The following MCFD2 variants were observed in gnomAD, a reference collection of about 807,000 sequenced individuals.
MCFD2 encodes multiple coagulation factor deficiency protein 2.
A neutral mutation model predicts 12.8 loss-of-function variants in MCFD2; 11 were observed. The ratio of observed to expected loss-of-function variants is 0.86; its 90% CI spans 0.54 to 1.42. The LOEUF is 1.42. Ranked by LOEUF, MCFD2 falls within the 40% of genes most tolerant of loss-of-function variation. MCFD2 has a pLI of 0.00. For synonymous variants in MCFD2, 70 were observed against 68.1 expected (o/e 1.03, Z -0.14); for missense variants, 191 against 178.6 (o/e 1.07, Z -0.40).
rs1668046981 is a variant in MCFD2 at position 46,902,321 on chromosome 2, T to G, written c.*3142A>C. 6.5e-6 allele frequency: 1 copy of G among 152,674 alleles called. No individual in the cohort carries two copies. 9.5% of individuals were successfully genotyped at this position (152,674 alleles called of 1,614,324 possible). On this transcript the variant is annotated 3_prime_UTR_variant, in exon 4 of 4. Transcript: ENST00000319466. ...CCTCTTGACTAGAACTTCTATCTGA[T>G]TAATCATTGTTTGGTGAATTATCTT...
chr2:46,920,092 CCT>C (rs1162535681), upstream of MCFD2, among the ~76,000 whole-genome samples: 2 of 152,066 alleles, frequency 1.3e-5, no homozygotes, highest in Non-Finnish European at 2.9e-5. Context: ...TTCTTCCGTC[CCT>C]GACTTTATCA....
chr2:46,930,747 G>T lies in MCFD2; in HGVS notation c.-8+10825C>A, dbSNP rs140813354. Among the ~76,000 whole-genome samples, 698 of 152,152 alleles carry T rather than the reference G, an allele frequency of 4.6e-3. 5 individuals are homozygous for T. Among genetic ancestry groups the T allele is most frequent in the African/African-American group, 0.016 (670 of 41,518 alleles). On this transcript the variant is annotated intron_variant, in intron 1 of 2. Transcript: ENST00000409147. The stretch of plus-strand genomic sequence containing the variant: ...ACTCCTGACCTCAGGTGATCCACCC[G>T]CCTCAGCCTCCCAAAGTGCAGGGAT...
chr2:46,938,193 ATCAAG>A (rs1670073799), intron 1 of MCFD2, among the ~76,000 whole-genome samples: 1 of 152,166 alleles, frequency 6.6e-6, no homozygotes, highest in Admixed American at 6.5e-5. Flanking sequence ...AAAAGCAAAA[ATCAAG>A]TCACCAATGA....
chr2:46,931,280 C>T (rs1251506255), intron 1 of MCFD2, among the ~76,000 whole-genome samples: 3 of 152,232 alleles, frequency 2.0e-5, no homozygotes, highest in Non-Finnish European at 4.4e-5. Flanking sequence ...TAGACAGGGT[C>T]TGGCTCTATT....
upstream of MCFD2, among the ~76,000 whole-genome samples, chr2:46,918,424 C>T (rs755501623): frequency 2.1e-4 from 32 of 152,210 alleles, no homozygotes; most frequent in Non-Finnish European, 4.0e-4. Context: ...AGCTTCCTAA[C>T]TGACCGTCCT....
At chr2:46,924,590 A>C (rs1669285872) in intron 1 of MCFD2, among the ~76,000 whole-genome samples, 1 of 152,174 alleles carries the variant, frequency 6.6e-6, no homozygotes, top group Non-Finnish European at 1.5e-5. Flanking sequence ...ACCATGTGAT[A>C]TTCATAAGAG....
intron 1 of MCFD2, among the ~76,000 whole-genome samples, chr2:46,933,472 A>T (rs1340653602): frequency 1.3e-5 from 2 of 152,232 alleles, no homozygotes; most frequent in Non-Finnish European, 2.9e-5. Context: ...CTCTTAGCGT[A>T]ATGATTACAT....
intron 1 of MCFD2, among the ~76,000 whole-genome samples, chr2:46,914,380 A>G (rs1382406744): frequency 2.0e-5 from 3 of 152,192 alleles, no homozygotes; most frequent in South Asian, 2.1e-4. Flanking sequence ...CCCACAGCCA[A>G]TGCCAAAGAA....
intron 1 of MCFD2, among the ~76,000 whole-genome samples, chr2:46,932,116 A>G (rs529875270): frequency 6.6e-6 from 1 of 152,262 alleles, no homozygotes; most frequent in Admixed American, 6.5e-5. Context: ...TAAATCTGAG[A>G]AAAGATATCA....
rs535201945 is a variant in MCFD2, at chr2:46,904,232, G to A, written c.*1231C>T. 9.3e-5 allele frequency: 14 copies of A among 149,752 alleles called. No homozygotes were observed. The highest frequency in any genetic ancestry group is 2.5e-4 in the African/African-American group (10 of 39,836). The allele number at this position is 149,752 out of a possible 1,614,324, so 9.3% of individuals were successfully genotyped here. ...GGGGAGAGGCCCTCTCAGCGGCAGG[G>A]GAGAGAACCTCTGCTAGGGCAGTGC... is the stretch of plus-strand genomic sequence containing the variant. On this transcript the variant is annotated 3_prime_UTR_variant, in exon 4 of 4. Coordinates refer to ENST00000319466, the MANE Select transcript of MCFD2 (RefSeq NM_139279.6).
intron 1 of MCFD2, among the ~76,000 whole-genome samples, chr2:46,932,848 C>T (rs988235651): frequency 1.4e-5 from 2 of 148,038 alleles, no homozygotes; most frequent in Non-Finnish European, 3.0e-5. Flanking sequence ...TTGCAGCAAG[C>T]GCAGATCGCA....
At chr2:46,924,535 T>C (rs768403011) in intron 1 of MCFD2, among the ~76,000 whole-genome samples, 1 of 152,056 alleles carries the variant, frequency 6.6e-6, no homozygotes, top group East Asian at 1.9e-4. Flanking sequence ...GTGTTTTGAA[T>C]AGAATATGAG....
chr2:46,921,864 G>A (rs545498156), intron 1 of MCFD2, among the ~76,000 whole-genome samples: 179 of 151,802 alleles, frequency 1.2e-3, no homozygotes, highest in African/African-American at 4.2e-3. Context: ...TGCCGCCACC[G>A]CTGATCTGAC....
chr2:46,921,377 G>A (rs1669094079), intron 1 of MCFD2, among the ~76,000 whole-genome samples: 1 of 152,136 alleles, frequency 6.6e-6, no homozygotes, highest in Admixed American at 6.5e-5. Context: ...AAGTAGAAAT[G>A]GAAATGCTTA....
At chr2:46,935,604 C>G (rs1558483006) in intron 1 of MCFD2, among the ~76,000 whole-genome samples, 1 of 152,102 alleles carries the variant, frequency 6.6e-6, no homozygotes, top group Non-Finnish European at 1.5e-5. Flanking sequence ...TGTACATTTA[C>G]TTTTCTAGAT....
intron 1 of MCFD2, among the ~76,000 whole-genome samples, chr2:46,926,106 T>C (rs1327042796): frequency 4.6e-5 from 7 of 152,182 alleles, no homozygotes; most frequent in Non-Finnish European, 1.0e-4. Context: ...CCCTCATCAG[T>C]GAGGATGCAG....
chr2:46,903,859 G>A lies in MCFD2; in HGVS notation c.*1604C>T, dbSNP rs1024765834. 3 of 152,188 alleles carry A rather than the reference G, an allele frequency of 2.0e-5. No homozygotes were observed. The highest frequency in any genetic ancestry group is 4.8e-5 in the African/African-American group (2 of 41,440). The allele number at this position is 152,188 out of a possible 1,614,324, so 9.4% of individuals were successfully genotyped here. A position where few individuals can be genotyped will look rare whatever the true frequency, so the allele number is the denominator to read the frequency against. ...TAGAAAAGAAAAACCCATTTTCTGG[G>A]GAGAAATTCAAGCCAGCTGCAGAAA... On this transcript the variant is annotated 3_prime_UTR_variant, in exon 4 of 4. Coordinates refer to ENST00000319466, the MANE Select transcript of MCFD2 (RefSeq NM_139279.6).
At chr2:46,916,025 CTGGA>C, upstream of MCFD2, 1 of 985,464 alleles carries the variant, frequency 1.0e-6, no homozygotes, top group South Asian at 4.7e-5. Context: ...AGTTGGGCCG[CTGGA>C]CGCCCTAGGG....
intron 1 of MCFD2, among the ~76,000 whole-genome samples, chr2:46,932,184 C>G (rs1408264488): frequency 6.6e-6 from 1 of 150,724 alleles, no homozygotes; most frequent in African/African-American, 2.4e-5. Flanking sequence ...GAGTCTTGCT[C>G]TGTCACCCAG....
Sources: allele counts gnomAD v4.1 joint callset (sites outside exome capture counted in the v4.1 genomes callset), GRCh38; gene constraint gnomAD v4.1.1; transcripts MANE v1.5; gene names NCBI Gene and HGNC (gene_info 2026-07-23, HGNC 2026-07-21).